PRP4K: variants seen among roughly 807,000 people sequenced by gnomAD.
PRP4K encodes the protein pre-mRNA processing factor kinase PRP4K.
the PRP4K span, among the ~76,000 whole-genome samples, chr6:4,054,049 ACC>A: frequency 6.6e-6 from 1 of 151,984 alleles, no homozygotes; most frequent in Non-Finnish European, 1.5e-5. Flanking sequence ...AGCTGGGACT[ACC>A]CACAGGCACA....
the PRP4K span, among the ~76,000 whole-genome samples, chr6:4,054,141 A>G: frequency 1.1e-4 from 17 of 152,134 alleles, no homozygotes; most frequent in Non-Finnish European, 1.2e-4. Context: ...GGCTCAAGCA[A>G]TCCTCCTGCT....
At chr6:4,049,772 G>T in the PRP4K span, 1 of 1,613,452 alleles carries the variant, frequency 6.2e-7, no homozygotes, top group East Asian at 2.2e-5. Flanking sequence ...GTTACAATGT[G>T]TATGGCTACA....
At chr6:4,032,245 C>T in the PRP4K span, 3 of 1,613,500 alleles carry the variant, frequency 1.9e-6, no homozygotes, top group Non-Finnish European at 2.5e-6. Context: ...AAATCCCCTA[C>T]CCTTAGAAGG....
At chr6:4,049,905 C>T in the PRP4K span, 1 of 1,611,834 alleles carries the variant, frequency 6.2e-7, no homozygotes, top group East Asian at 2.2e-5. Context: ...GTGAGGAAAC[C>T]TTTAACAGTA....
At chr6:4,026,717 C>T in the PRP4K span, among the ~76,000 whole-genome samples, 1 of 152,280 alleles carries the variant, frequency 6.6e-6, no homozygotes, top group South Asian at 2.1e-4. Context: ...AAATTCTGCT[C>T]ATATAGTGCT....
the PRP4K span, among the ~76,000 whole-genome samples, chr6:4,053,903 T>TTTTTG: frequency 0.089 from 13,269 of 149,444 alleles, 660 homozygotes; most frequent in Middle Eastern, 0.13. Flanking sequence ...TCTTTTGTTT[T>TTTTTG]TTTTGTTTTG....
chr6:4,054,452 G>T, the PRP4K span, among the ~76,000 whole-genome samples: 1 of 97,168 alleles, frequency 1.0e-5, no homozygotes, highest in South Asian at 3.7e-4. Context: ...CATTGAAATG[G>T]TAGGTACATT....
At chr6:4,060,379 A>T in the PRP4K span, 2 of 1,580,520 alleles carry the variant, frequency 1.3e-6, no homozygotes, top group Admixed American at 1.7e-5. The surrounding 1 kb of genome is among the most constrained non-coding windows in gnomAD (Gnocchi z 4.7). Context: ...TTAGTAACTT[A>T]TTTAGAGATA....
the PRP4K span, among the ~76,000 whole-genome samples, chr6:4,026,665 G>A: frequency 6.6e-6 from 1 of 152,278 alleles, no homozygotes; most frequent in Admixed American, 6.5e-5. Flanking sequence ...CTATAGATTA[G>A]ATAATCTAGG....
chr6:4,035,266 C>T, the PRP4K span, among the ~76,000 whole-genome samples: 78 of 137,502 alleles, frequency 5.7e-4, 1 homozygote, highest in East Asian at 5.0e-3. Flanking sequence ...TACAGGTGTG[C>T]GCCACCACGC....
the PRP4K span, among the ~76,000 whole-genome samples, chr6:4,028,164 T>C: frequency 6.6e-6 from 1 of 152,196 alleles, no homozygotes; most frequent in African/African-American, 2.4e-5. Flanking sequence ...CTTCTTTCCC[T>C]TCCATAATAA....
chr6:4,044,949 G>A, the PRP4K span, among the ~76,000 whole-genome samples: 3 of 150,226 alleles, frequency 2.0e-5, no homozygotes, highest in African/African-American at 4.9e-5. Flanking sequence ...TGCAAGCTCC[G>A]CGTCCCAGGT....
At chr6:4,053,490 C>T in the PRP4K span, among the ~76,000 whole-genome samples, 1 of 152,146 alleles carries the variant, frequency 6.6e-6, no homozygotes. Flanking sequence ...TGTATTGTTC[C>T]CCTGTGTGTC....
At chr6:4,040,428 C>T in the PRP4K span, among the ~76,000 whole-genome samples, 3 of 152,016 alleles carry the variant, frequency 2.0e-5, no homozygotes, top group Admixed American at 6.6e-5. Flanking sequence ...TGGTGCTGTA[C>T]GAATACAAAG....
chr6:4,061,672 T>A, the PRP4K span: 1 of 152,812 alleles, frequency 6.5e-6, no homozygotes, highest in East Asian at 1.9e-4. Flanking sequence ...CCTTCCACTC[T>A]TGAACAAAGC....
At chr6:4,061,875 C>T in the PRP4K span, 3 of 152,598 alleles carry the variant, frequency 2.0e-5, no homozygotes, top group Admixed American at 6.5e-5. Context: ...CAGTATGCAT[C>T]ACTAGATAAT....
chr6:4,054,246 A>C, the PRP4K span, among the ~76,000 whole-genome samples: 1 of 151,938 alleles, frequency 6.6e-6, no homozygotes, highest in Non-Finnish European at 1.5e-5. Flanking sequence ...AAGTTTAAGG[A>C]GTTTTTTTTT....
At chr6:4,042,716 T>C in the PRP4K span, 22 of 597,848 alleles carry the variant, frequency 3.7e-5, no homozygotes, top group African/African-American at 3.9e-4. Flanking sequence ...AAAATGATCT[T>C]TTTTTAGTTA....
the PRP4K span, among the ~76,000 whole-genome samples, chr6:4,025,957 A>T: frequency 1.2e-4 from 18 of 152,220 alleles, no homozygotes; most frequent in African/African-American, 4.1e-4. Flanking sequence ...AAGTTCTAAG[A>T]GTCTATAATA....
Sources: allele counts gnomAD v4.1 joint callset (sites outside exome capture counted in the v4.1 genomes callset), GRCh38; gene constraint gnomAD v4.1.1; non-coding constraint Gnocchi (gnomAD v3.1); transcripts MANE v1.5; gene names NCBI Gene and HGNC (gene_info 2026-07-23, HGNC 2026-07-21).